The following WARS2 variants were observed in gnomAD, a reference collection of about 807,000 sequenced individuals.
The protein encoded by WARS2 is tryptophan--tRNA ligase, mitochondrial.
A neutral mutation model predicts 36.5 loss-of-function variants in WARS2; 28 were observed. The ratio of observed to expected loss-of-function variants is 0.77; its 90% CI spans 0.57 to 1.05. WARS2 has a LOEUF of 1.05. WARS2 is among the 50% of genes least tolerant of loss of function. WARS2 has a pLI of 0.00. For missense variants in WARS2, 435 were observed against 456.8 expected (o/e 0.95, Z 0.44); for synonymous variants, 174 against 178.4 (o/e 0.98, Z 0.20).
intron 2 of WARS2, among the ~76,000 whole-genome samples, chr1:119,070,341 C>T (rs1033492605): frequency 2.0e-5 from 3 of 151,970 alleles, no homozygotes; most frequent in Non-Finnish European, 4.4e-5. Context: ...TGCTCACTTC[C>T]ACCTCTGCCT....
Position 119,126,775 on chromosome 1 carries a change from T to G in WARS2, c.90+13780A>C. 3 of 738,834 alleles carry G rather than the reference T, an allele frequency of 4.1e-6. No homozygotes were observed. The Admixed American group carries it at 5.2e-5, about 13-fold the overall frequency. 45.8% of individuals were successfully genotyped at this position (738,834 alleles called of 1,614,324 possible). ...TTTCCAATACTGTCTGGAATCAACT[T>G]ATTGACCACCTCTTTCCAGTCATTT... On this transcript the variant is annotated intron_variant, in intron 1 of 5. Coordinates refer to ENST00000235521, the MANE Select transcript of WARS2 (RefSeq NM_015836.4).
At chr1:119,057,195 G>GA (rs1649891601) in intron 2 of WARS2, among the ~76,000 whole-genome samples, 1 of 151,932 alleles carries the variant, frequency 6.6e-6, no homozygotes, top group South Asian at 2.1e-4. Context: ...CGCCCAGGCT[G>GA]GAGTCAGTGG....
intron 2 of WARS2, among the ~76,000 whole-genome samples, chr1:119,051,423 T>C (rs1425986225): frequency 6.6e-6 from 1 of 152,248 alleles, no homozygotes; most frequent in Admixed American, 6.5e-5. Context: ...ATGTACATTT[T>C]CTTTATTCAA....
chr1:119,083,369 C>T (rs1043326039), intron 1 of WARS2, among the ~76,000 whole-genome samples: 7 of 152,174 alleles, frequency 4.6e-5, no homozygotes, highest in South Asian at 2.1e-4. Flanking sequence ...AAACAGAGAG[C>T]GGCCCTCACC....
intron 1 of WARS2, among the ~76,000 whole-genome samples, chr1:119,113,655 G>A (rs1654790641): frequency 6.6e-6 from 1 of 152,100 alleles, no homozygotes; most frequent in African/African-American, 2.4e-5. Context: ...GCCAGGCACT[G>A]TTTTATGTGC....
intron 1 of WARS2, among the ~76,000 whole-genome samples, chr1:119,113,458 C>A (rs1274026040): frequency 1.3e-5 from 2 of 152,126 alleles, no homozygotes; most frequent in African/African-American, 4.8e-5. Context: ...GTTTGTGTCA[C>A]CCCAAAGCTC....
intron 2 of WARS2, chr1:119,063,589 G>C (rs1401879100): frequency 6.6e-6 from 1 of 152,264 alleles, no homozygotes. Flanking sequence ...CCAGGCTCAG[G>C]GTACTGGTGC....
At chr1:119,082,621 G>A (rs901886047) in intron 1 of WARS2, 3 of 205,842 alleles carry the variant, frequency 1.5e-5, no homozygotes, top group African/African-American at 2.4e-5. Flanking sequence ...AGAACTTCTT[G>A]GCTTCAAGCA....
At chr1:119,135,020 C>T (rs1215183779) in intron 1 of WARS2, among the ~76,000 whole-genome samples, 1 of 151,954 alleles carries the variant, frequency 6.6e-6, no homozygotes, top group Non-Finnish European at 1.5e-5. Flanking sequence ...AGAAAGAAGG[C>T]AAGAAAAGGA....
chr1:119,080,219 T>C (rs587629567), intron 1 of WARS2, among the ~76,000 whole-genome samples: 2 of 152,252 alleles, frequency 1.3e-5, no homozygotes, highest in Admixed American at 1.3e-4. Context: ...CCTAGGAAGA[T>C]AAGGGACTGT....
intron 1 of WARS2, among the ~76,000 whole-genome samples, chr1:119,112,055 TG>T (rs1654674320): frequency 6.6e-6 from 1 of 152,080 alleles, no homozygotes; most frequent in African/African-American, 2.4e-5. Context: ...CCTGAGAATC[TG>T]GGATAACAAG....
chr1:119,134,920 C>A (rs1300512300), intron 1 of WARS2, among the ~76,000 whole-genome samples: 1 of 152,082 alleles, frequency 6.6e-6, no homozygotes, highest in Non-Finnish European at 1.5e-5. Context: ...AGGCTAGAGG[C>A]TAGGTTAGTT....
intron 1 of WARS2, among the ~76,000 whole-genome samples, chr1:119,093,106 G>C (rs587713490): frequency 2.0e-5 from 3 of 152,174 alleles, no homozygotes; most frequent in African/African-American, 7.2e-5. Context: ...AATATATGTA[G>C]ATTACTTAGA....
chr1:119,105,178 G>C (rs1205795079), intron 1 of WARS2, among the ~76,000 whole-genome samples: 2 of 152,126 alleles, frequency 1.3e-5, no homozygotes, highest in African/African-American at 4.8e-5. Context: ...TGGTGAAATG[G>C]GTGTGGGGCT....
At chr1:119,127,957 C>G (rs775078942) in intron 1 of WARS2, among the ~76,000 whole-genome samples, 15 of 152,130 alleles carry the variant, frequency 9.9e-5, no homozygotes, top group South Asian at 2.1e-4. Flanking sequence ...AAGAGCAAAA[C>G]TCATTTTCTC....
intron 2 of WARS2, among the ~76,000 whole-genome samples, chr1:119,075,058 G>C (rs185598599): frequency 2.0e-5 from 3 of 151,976 alleles, no homozygotes; most frequent in African/African-American, 7.2e-5. Flanking sequence ...TGGGTGACAG[G>C]TACACTAAAA....
chr1:119,116,596 A>G (rs1313646778), intron 1 of WARS2, among the ~76,000 whole-genome samples: 3 of 152,210 alleles, frequency 2.0e-5, no homozygotes, highest in Non-Finnish European at 2.9e-5. Flanking sequence ...GCCTCTGAGC[A>G]CACATCCTCA....
chr1:119,128,199 C>T lies in WARS2; in HGVS notation c.90+12356G>A, dbSNP rs116670852. Reference sequence around the variant, plus strand: ...AAGCTATTATCCTACCTCAGCTTCTCGAGAAGCTGGGATTATAGGCCCCCA... The same window carrying T: ...AAGCTATTATCCTACCTCAGCTTCTTGAGAAGCTGGGATTATAGGCCCCCA... On this transcript the variant is annotated intron_variant, in intron 1 of 5. Coordinates refer to ENST00000235521, the MANE Select transcript of WARS2 (RefSeq NM_015836.4). Among the ~76,000 whole-genome samples, 578 of 152,166 alleles carry T rather than the reference C, an allele frequency of 3.8e-3. 1 individual carries two copies. Among genetic ancestry groups the T allele is most frequent in the Middle Eastern group, 0.017 (5 of 294 alleles).
At chr1:119,093,296 C>G (rs1653171330) in intron 1 of WARS2, among the ~76,000 whole-genome samples, 1 of 151,628 alleles carries the variant, frequency 6.6e-6, no homozygotes, top group Non-Finnish European at 1.5e-5. Context: ...TCTTTAGGAT[C>G]TATAATTTAA....
Sources: allele counts gnomAD v4.1 joint callset (sites outside exome capture counted in the v4.1 genomes callset), GRCh38; gene constraint gnomAD v4.1.1; transcripts MANE v1.5; gene names NCBI Gene and HGNC (gene_info 2026-07-23, HGNC 2026-07-21).